ASTN1: variants seen among roughly 807,000 people sequenced by gnomAD.
ASTN1 encodes the protein astrotactin-1.
In ASTN1, 41 loss-of-function variants were observed where a neutral mutation model predicts 140.7. That is an observed-to-expected ratio of 0.29 (90% CI 0.23 to 0.38). The LOEUF is 0.38. Ranked by LOEUF, ASTN1 falls within the 10% of genes least tolerant of loss-of-function variation. The probability of loss-of-function intolerance (pLI) is 1.00; values close to 1 mark genes in which losing one functional copy is unlikely to be tolerated. For missense variants in ASTN1, 1,479 were observed against 1,678.8 expected (o/e 0.88, Z 2.08); for synonymous variants, 640 against 652.2 (o/e 0.98, Z 0.29).
downstream of ASTN1, among the ~76,000 whole-genome samples, chr1:176,860,715 T>A (rs1193906036): frequency 6.6e-6 from 1 of 152,174 alleles, no homozygotes; most frequent in African/African-American, 2.4e-5. Flanking sequence ...TGGTGACAAG[T>A]TCAATGCCTA....
chr1:177,117,120 C>T (rs1029533047), intron 1 of ASTN1, among the ~76,000 whole-genome samples: 5 of 152,076 alleles, frequency 3.3e-5, no homozygotes, highest in African/African-American at 9.7e-5. Flanking sequence ...CTCCGCCCCT[C>T]CCCACCCCCA....
intron 5 of ASTN1, among the ~76,000 whole-genome samples, chr1:177,024,956 G>T (rs1410043543): frequency 6.6e-6 from 1 of 152,136 alleles, no homozygotes; most frequent in Non-Finnish European, 1.5e-5. Flanking sequence ...GGCCCTCCAG[G>T]TCAATAATAG....
At chr1:176,880,628 A>T (rs1175905474) in intron 20 of ASTN1, among the ~76,000 whole-genome samples, 1 of 152,338 alleles carries the variant, frequency 6.6e-6, no homozygotes, top group South Asian at 2.1e-4. Context: ...AAAAAGCATT[A>T]AATAAAATAT....
rs1247288435 is a variant in ASTN1, at chr1:177,044,327, T to A, written c.472-11478A>T. On this transcript the variant is annotated intron_variant, in intron 2 of 22. Transcript: ENST00000361833. ...GCTTCCTCTCTTGTACTGGCATTTG[T>A]TGTTGTTGTTTGTTTTGTTTTGTTT... Among the ~76,000 whole-genome samples, 3 of 149,286 alleles carry A rather than the reference T, an allele frequency of 2.0e-5. No individual in the cohort carries two copies. In the East Asian group the frequency reaches 6.2e-4, roughly 31 times the overall value.
intron 16 of ASTN1, among the ~76,000 whole-genome samples, chr1:176,931,121 G>A (rs761186883): frequency 3.3e-5 from 5 of 152,164 alleles, no homozygotes; most frequent in Admixed American, 6.5e-5. Flanking sequence ...ACATGGGGAC[G>A]GGGAGGTTGA....
Position 176,861,239 on chromosome 1 carries a change from T to A in ASTN1, c.*3045A>T. The A allele has an allele frequency of 1.0e-6, 1 of 982,486 alleles. No individual in the cohort carries two copies. The highest frequency in any genetic ancestry group is 1.2e-6 in the Non-Finnish European group (1 of 826,874). 60.9% of individuals were successfully genotyped at this position (982,486 alleles called of 1,614,324 possible). ...CATACTCAGTTTTTTTAATAGAACA[T>A]TTGAATATCAAGAAGTGTAGTTAAC... is the stretch of plus-strand genomic sequence containing the variant. On this transcript the variant is annotated 3_prime_UTR_variant, in exon 23 of 23. Coordinates refer to ENST00000361833, the MANE Select transcript of ASTN1 (RefSeq NM_004319.3).
Position 176,861,087 on chromosome 1 carries a change from T to G in ASTN1, c.*3197A>C. On this transcript the variant is annotated 3_prime_UTR_variant, in exon 23 of 23. Coordinates refer to ENST00000361833, the MANE Select transcript of ASTN1 (RefSeq NM_004319.3). ...CCCAATGCTTACTAATAGCTTTGTT[T>G]TATTATTCAGTTAATTATTTCATCT... The G allele has an allele frequency of 9.4e-6, 9 of 955,782 alleles. No individual in the cohort carries two copies. Among genetic ancestry groups the G allele is most frequent in the Non-Finnish European group, 1.1e-5 (9 of 802,932 alleles). The allele number at this position is 955,782 out of a possible 1,614,324, so 59.2% of individuals were successfully genotyped here.
At chr1:176,953,160 C>T (rs1043020195) in intron 11 of ASTN1, among the ~76,000 whole-genome samples, 1 of 152,188 alleles carries the variant, frequency 6.6e-6, no homozygotes, top group Admixed American at 6.5e-5. Context: ...TCTTTTCCTA[C>T]CAGTGATTTT....
chr1:176,982,320 G>C (rs1157931871), intron 8 of ASTN1, among the ~76,000 whole-genome samples: 1 of 152,190 alleles, frequency 6.6e-6, no homozygotes, highest in East Asian at 1.9e-4. Flanking sequence ...CAAACCGAGG[G>C]GCCGGTAACT....
chr1:177,061,322 T>C lies in ASTN1; in HGVS notation c.284-57A>G. 3 of 1,411,352 alleles carry C rather than the reference T, an allele frequency of 2.1e-6. No individual in the cohort carries two copies. The South Asian group carries it at 5.0e-5, about 23-fold the overall frequency. 87.4% of individuals were successfully genotyped at this position (1,411,352 alleles called of 1,614,324 possible). ...AATTAGGATGGGACCAAGTTTTTCATCTTCTTCCTCGCCACTTGTACCAAT... is the reference window on the plus strand; with the variant it reads ...AATTAGGATGGGACCAAGTTTTTCACCTTCTTCCTCGCCACTTGTACCAAT... On this transcript the variant is annotated intron_variant, in intron 1 of 22. Transcript: ENST00000361833.
At chr1:177,044,130 T>C (rs1571699526) in intron 2 of ASTN1, among the ~76,000 whole-genome samples, 1 of 151,192 alleles carries the variant, frequency 6.6e-6, no homozygotes, top group South Asian at 2.1e-4. Flanking sequence ...ACTGTACAAG[T>C]CTTCAAATCC....
chr1:177,016,477 A>C (rs2101942760), intron 7 of ASTN1, among the ~76,000 whole-genome samples: 1 of 152,320 alleles, frequency 6.6e-6, no homozygotes, highest in East Asian at 1.9e-4. Context: ...TCTGAGCCAA[A>C]AATAGAAAAA....
rs777093050 is a variant in ASTN1 at position 176,894,801 on chromosome 1, G to T, written c.2701C>A (p.Arg901=). The T allele has an allele frequency of 1.1e-5, 18 of 1,613,854 alleles. No homozygotes were observed. Among genetic ancestry groups the T allele is most frequent in the Non-Finnish European group, 1.5e-5 (18 of 1,180,046 alleles). The change falls in exon 17 of 23, where the codon CGG becomes AGG. Residue 901 remains arginine, a synonymous_variant. Transcript: ENST00000361833. ...GNSPSDESEE[R]ERDPKVLTFP... ...GTCAGCACCTTGGGGTCTCTTTCCC[G>T]CTCCTCAGACTCATCTGATGGGGAG...
intron 8 of ASTN1, among the ~76,000 whole-genome samples, chr1:176,994,908 A>T (rs2101902949): frequency 6.6e-6 from 1 of 152,340 alleles, no homozygotes; most frequent in African/African-American, 2.4e-5. Flanking sequence ...TGAGACACAG[A>T]AAGTCATCAA....
chr1:177,018,007 C>T (rs1675643944), intron 7 of ASTN1, among the ~76,000 whole-genome samples: 1 of 152,300 alleles, frequency 6.6e-6, no homozygotes, highest in South Asian at 2.1e-4. Flanking sequence ...TGCCCTCAAC[C>T]GCTTCTATGC....
At chr1:177,106,256 G>A (rs1680539282) in intron 1 of ASTN1, among the ~76,000 whole-genome samples, 1 of 152,164 alleles carries the variant, frequency 6.6e-6, no homozygotes, top group African/African-American at 2.4e-5. Flanking sequence ...TTTCTTAAAT[G>A]TTGTTGCTTT....
At chr1:176,887,894 C>A (rs1306295328) in intron 18 of ASTN1, among the ~76,000 whole-genome samples, 177 bp downstream of exon 18, 1 of 152,166 alleles carries the variant, frequency 6.6e-6, no homozygotes, top group East Asian at 1.9e-4. Flanking sequence ...ACTTGTCACA[C>A]CCTTTCTCTA....
chr1:176,863,900 A>C lies in ASTN1; in HGVS notation c.*384T>G. ...TCACCTCTGCTCCCAGTTGCAATGG[A>C]TTTAGGAACTGAGTGAGCACAGGGT... On this transcript the variant is annotated 3_prime_UTR_variant, in exon 23 of 23. Coordinates refer to ENST00000361833, the MANE Select transcript of ASTN1 (RefSeq NM_004319.3). The C allele has an allele frequency of 9.7e-7, 1 of 1,027,040 alleles. No individual in the cohort carries two copies. Among genetic ancestry groups the C allele is most frequent in the Non-Finnish European group, 1.2e-6 (1 of 854,400 alleles). The allele number at this position is 1,027,040 out of a possible 1,614,324, so 63.6% of individuals were successfully genotyped here. A position where few individuals can be genotyped will look rare whatever the true frequency, so the allele number is the denominator to read the frequency against.
At chr1:176,946,776 TC>T (rs1299754943) in intron 12 of ASTN1, among the ~76,000 whole-genome samples, 1 of 152,186 alleles carries the variant, frequency 6.6e-6, no homozygotes, top group Non-Finnish European at 1.5e-5. Flanking sequence ...AACAACTGCT[TC>T]CTTGGCATCC....
Sources: gnomAD v4.1 joint callset for allele counts (sites outside exome capture counted in the v4.1 genomes callset) on GRCh38, gnomAD v4.1.1 for gene constraint, MANE v1.5 for transcripts, NCBI Gene and HGNC (gene_info 2026-07-23, HGNC 2026-07-21) for gene names.